Variants in ARHGEF9 observed in about 807,000 individuals in gnomAD.
The protein encoded by ARHGEF9 is rho guanine nucleotide exchange factor 9.
Under a neutral mutation model 41.3 loss-of-function variants are expected in ARHGEF9, and 2 were observed. The ratio of observed to expected loss-of-function variants is 0.05; its 90% CI spans 0.02 to 0.15. ARHGEF9 has a LOEUF of 0.15. Among genes scored for constraint, ARHGEF9 ranks in the 10% least tolerant of loss-of-function variants. The pLI, the probability that ARHGEF9 is intolerant of heterozygous loss-of-function variation, is 1.00. For missense variants in ARHGEF9, 225 were observed against 424.7 expected, an observed-to-expected ratio of 0.53 and a Z score of 4.13; for synonymous variants, 160 against 154.4, an observed-to-expected ratio of 1.04 and a Z score of -0.27.
At position 63,715,385 on chromosome X, in the gene ARHGEF9, GCT is replaced by G. The variant is rs1361745380; in HGVS notation, c.211-8938_211-8937del. Among the ~76,000 whole-genome samples the G allele has an allele frequency of 9.0e-5, 10 of 111,194 alleles. No individual in the cohort carries two copies. The East Asian group carries it at 2.8e-3, about 31-fold the overall frequency. ...ACGCTAAGCAGAATGCTGAAATCAA[GCT>G]GACCTGAGTTACCCATCTCACAGAA... On this transcript the variant is annotated intron_variant, in intron 2 of 9. Coordinates refer to ENST00000671741, the MANE Select transcript of ARHGEF9 (RefSeq NM_001353921.2).
rs1319003472 is a variant in ARHGEF9 at position 63,700,602 on chromosome X, C to A, written c.403-3298G>T. On this transcript the variant is annotated intron_variant, in intron 3 of 9. Transcript: ENST00000671741. The stretch of plus-strand genomic sequence containing the variant: ...CAATTGGAAGGTAGTCATACCACTG[C>A]AGGAGAGCAGAATTAAATTTTGAGT... 5.4e-5 allele frequency among the ~76,000 whole-genome samples: 6 copies of A among 111,746 alleles called. No individual in the cohort carries two copies. The East Asian group carries it at 1.7e-3, about 31-fold the overall frequency.
chrX:63,780,030 C>T (rs1470732149), intron 1 of ARHGEF9, among the ~76,000 whole-genome samples: 2 of 111,723 alleles, frequency 1.8e-5, no homozygotes, highest in African/African-American at 6.5e-5. Flanking sequence ...AGGAAGACTT[C>T]TTAAAAAGGA....
In ARHGEF9 at chrX:63,766,983, C is replaced by T. The variant is rs2056123656; in HGVS notation, c.30+18133G>A. 4 of 618,109 alleles carry T rather than the reference C, an allele frequency of 6.5e-6. No individual in the cohort carries two copies. The East Asian group carries it at 1.1e-4, about 17-fold the overall frequency. 50.9% of individuals were successfully genotyped at this position (618,109 alleles called of 1,213,427 possible). ...AACAGCCACAGCAGATGATTAAAAA[C>T]TTCAGTTCTCCTTAAAGAAGTTAGA... On this transcript the variant is annotated intron_variant, in intron 1 of 9. Transcript: ENST00000671741.
chrX:63,767,916 A>T (rs2056139525), intron 1 of ARHGEF9, among the ~76,000 whole-genome samples: 1 of 111,972 alleles, frequency 8.9e-6, no homozygotes, highest in Non-Finnish European at 1.9e-5. Flanking sequence ...TTCCAGCCTT[A>T]GTTTCCCCAC....
chrX:63,767,547 G>A, intron 1 of ARHGEF9: 2 of 219,361 alleles, frequency 9.1e-6, no homozygotes, highest in Non-Finnish European at 8.4e-6. Context: ...AGATGAAGAA[G>A]CCTGGGAATA....
chrX:63,709,630 C>T (rs1263052682), intron 2 of ARHGEF9, among the ~76,000 whole-genome samples: 2 of 111,715 alleles, frequency 1.8e-5, no homozygotes, highest in Non-Finnish European at 3.8e-5. Context: ...AATAGCTCTC[C>T]ACTGATTATA....
intron 1 of ARHGEF9, among the ~76,000 whole-genome samples, chrX:63,748,467 T>G (rs2055407206): frequency 9.0e-6 from 1 of 111,634 alleles, no homozygotes; most frequent in South Asian, 3.8e-4. Context: ...AGAAAAAATT[T>G]TAAAATCCAC....
chrX:63,697,311 A>G lies in ARHGEF9; in HGVS notation c.403-7T>C, dbSNP rs1251770610. 8.3e-7 allele frequency: 1 copy of G among 1,208,393 alleles called. No homozygotes were observed. Among genetic ancestry groups the G allele is most frequent in the Non-Finnish European group, 1.1e-6 (1 of 894,018 alleles). ...GGCACTGCTTCAGATAGCCCTGTAG[A>G]CAAAGAAAAAGCCTAGGCTGAGGAA... On this transcript the variant is annotated splice_region_variant and splice_polypyrimidine_tract_variant and intron_variant, in intron 3 of 9. Coordinates refer to ENST00000671741, the MANE Select transcript of ARHGEF9 (RefSeq NM_001353921.2).
chrX:63,778,360 C>A (rs1309781059), intron 1 of ARHGEF9, among the ~76,000 whole-genome samples: 1 of 112,263 alleles, frequency 8.9e-6, no homozygotes, highest in Admixed American at 9.4e-5. Flanking sequence ...AGGCCCTGGG[C>A]TGGCCCATGA....
chrX:63,750,887 G>A (rs1262072781), intron 1 of ARHGEF9, among the ~76,000 whole-genome samples: 1 of 111,068 alleles, frequency 9.0e-6, no homozygotes, highest in Non-Finnish European at 1.9e-5. Flanking sequence ...AGGAAATTGG[G>A]ATTCTGTTCT....
At chrX:63,747,034 C>A (rs1473147433) in intron 1 of ARHGEF9, among the ~76,000 whole-genome samples, 2 of 112,052 alleles carry the variant, frequency 1.8e-5, no homozygotes, top group African/African-American at 6.5e-5. Context: ...TCCTTAAAAC[C>A]ACTCTGTGTA....
At chrX:63,753,214 C>T (rs1321596537) in intron 1 of ARHGEF9, among the ~76,000 whole-genome samples, 1 of 111,864 alleles carries the variant, frequency 8.9e-6, no homozygotes, top group Non-Finnish European at 1.9e-5. Flanking sequence ...ATGTTGCTTC[C>T]AGCTCATGTT....
chrX:63,742,228 C>T (rs1282553608), intron 1 of ARHGEF9, among the ~76,000 whole-genome samples: 6 of 111,812 alleles, frequency 5.4e-5, no homozygotes, highest in Non-Finnish European at 9.4e-5. Flanking sequence ...GCAAAGATCA[C>T]GGACAAATTC....
At chrX:63,659,720 A>C (rs2049093547) in intron 7 of ARHGEF9, among the ~76,000 whole-genome samples, 1 of 111,827 alleles carries the variant, frequency 8.9e-6, no homozygotes, top group Admixed American at 9.5e-5. Context: ...CCTAGAATGC[A>C]TGCTTAATAA....
chrX:63,653,776 G>A (rs2147208811), intron 8 of ARHGEF9, among the ~76,000 whole-genome samples: 1 of 110,868 alleles, frequency 9.0e-6, no homozygotes, highest in South Asian at 3.8e-4. Context: ...TGTTTAAATG[G>A]TTATAATGGT....
At chrX:63,773,866 A>G (rs55902414) in intron 1 of ARHGEF9, among the ~76,000 whole-genome samples, 6,494 of 109,440 alleles carry the variant, frequency 0.059, 216 homozygotes, top group Non-Finnish European at 0.095. Flanking sequence ...TGAAACATCA[A>G]TTTTTCTTGT....
In ARHGEF9 at chrX:63,676,500, C is replaced by T. The variant is rs782728689; in HGVS notation, c.815+1840G>A. Among the ~76,000 whole-genome samples, 4 of 112,342 alleles carry T rather than the reference C, an allele frequency of 3.6e-5. No individual in the cohort carries two copies. The South Asian group carries it at 1.5e-3, about 42-fold the overall frequency. On this transcript the variant is annotated intron_variant, in intron 5 of 9. Coordinates refer to ENST00000671741, the MANE Select transcript of ARHGEF9 (RefSeq NM_001353921.2). ...CTCTACATTTGTTTCTGTTACATTTCATTCTTTTACAGTTAGTTGCTCCAA... is the reference window on the plus strand; with the variant it reads ...CTCTACATTTGTTTCTGTTACATTTTATTCTTTTACAGTTAGTTGCTCCAA...
chrX:63,707,706 C>T (rs1255120740), intron 2 of ARHGEF9, among the ~76,000 whole-genome samples: 3 of 111,851 alleles, frequency 2.7e-5, no homozygotes, highest in African/African-American at 9.8e-5. Flanking sequence ...AGATGCATCC[C>T]TATTTCTGCC....
At chrX:63,753,543 G>T (rs782508110) in intron 1 of ARHGEF9, among the ~76,000 whole-genome samples, 1,249 of 96,290 alleles carry the variant, frequency 0.013, 8 homozygotes, top group South Asian at 0.028. Context: ...TTCTTGTGGG[G>T]TTTTTTTTTT....
Sources: gnomAD v4.1 joint callset for allele counts (sites outside exome capture counted in the v4.1 genomes callset) on GRCh38, gnomAD v4.1.1 for gene constraint, MANE v1.5 for transcripts, NCBI Gene and HGNC (gene_info 2026-07-23, HGNC 2026-07-21) for gene names.